Variants in UTP25 observed in about 807,000 individuals in gnomAD.
The protein encoded by UTP25 is UTP25 small subunit processome component, also known as U3 small nucleolar RNA-associated protein 25 homolog.
A neutral mutation model predicts 78.9 loss-of-function variants in UTP25; 50 were observed. That is an observed-to-expected ratio of 0.63 (90% CI 0.50 to 0.80). The LOEUF (loss-of-function observed/expected upper bound fraction) is 0.80, where lower values mean the gene tolerates loss of function less well. Among genes scored for constraint, UTP25 ranks in the 30% least tolerant of loss-of-function variants. UTP25 has a pLI of 0.00. For missense variants in UTP25, 846 were observed against 911.3 expected, an observed-to-expected ratio of 0.93 and a Z score of 0.92; for synonymous variants, 329 against 336.5, an observed-to-expected ratio of 0.98 and a Z score of 0.24.
chr1:209,849,225 T>C (rs6540565), intron 11 of UTP25, among the ~76,000 whole-genome samples: 147,442 of 152,296 alleles, frequency 0.97, 71,420 homozygotes, highest in East Asian at 1. Flanking sequence ...CCTGCCCCGC[T>C]ACCTCCGTGG....
chr1:209,842,866 A>G lies in UTP25; in HGVS notation c.1781+171A>G. 3 of 609,412 alleles carry G rather than the reference A, an allele frequency of 4.9e-6. No individual in the cohort carries two copies. In the South Asian group the frequency reaches 5.9e-5, roughly 12 times the overall value. The allele number at this position is 609,412 out of a possible 1,614,324, so 37.8% of individuals were successfully genotyped here. A position where few individuals can be genotyped will look rare whatever the true frequency, so the allele number is the denominator to read the frequency against. On this transcript the variant is annotated intron_variant, in intron 10 of 11. Transcript: ENST00000491415. ...GAGGAGGAAACTGAAGCACAGAGAG[A>G]AATAGTGACTTTGGCCTAGGTCTCA...
intron 2 of UTP25, 72 bp from the exon 3 acceptor site, chr1:209,830,731 C>T: frequency 6.5e-7 from 1 of 1,536,334 alleles, no homozygotes; most frequent in South Asian, 1.3e-5. Context: ...TAGATGTTGG[C>T]TTGATGATAG....
rs2078245426 is a variant in UTP25 at position 209,852,288 on chromosome 1, T to G, written c.*841T>G. ...AGAACCTGAACCATTTGAGAGTGAG[T>G]TGCCAACCCAGTGGGCCTATCACCT... On this transcript the variant is annotated 3_prime_UTR_variant, in exon 12 of 12. Transcript: ENST00000491415. The G allele has an allele frequency of 6.6e-6, 1 of 152,192 alleles. No individual in the cohort carries two copies. The allele number at this position is 152,192 out of a possible 1,614,324, so 9.4% of individuals were successfully genotyped here.
Position 209,853,195 on chromosome 1 carries a change from C to T in UTP25, c.*1748C>T, listed in dbSNP as rs1025489852. 8 of 152,144 alleles carry T rather than the reference C, an allele frequency of 5.3e-5. No individual in the cohort carries two copies. The East Asian group carries it at 5.8e-4, about 11-fold the overall frequency. 9.4% of individuals were successfully genotyped at this position (152,144 alleles called of 1,614,324 possible). ...AAAATTTAGTTAGATAAAAGCCGAC[C>T]GAACCCATGCTACAAAGAACTTTTT... On this transcript the variant is annotated 3_prime_UTR_variant, in exon 12 of 12. Coordinates refer to ENST00000491415, the MANE Select transcript of UTP25 (RefSeq NM_014388.7).
chr1:209,833,402 T>G (rs769857251), intron 4 of UTP25, 44 bp downstream of exon 4: 365 of 1,480,802 alleles, frequency 2.5e-4, no homozygotes, highest in Non-Finnish European at 3.2e-4. Context: ...AGGTGCTTAG[T>G]ATGGAATTTG....
chr1:209,846,995 T>A (rs897819406), intron 11 of UTP25, among the ~76,000 whole-genome samples: 1 of 152,114 alleles, frequency 6.6e-6, no homozygotes, highest in African/African-American at 2.4e-5. Context: ...CCATCTTTTT[T>A]ATGTGAAAAA....
rs772223579 is a variant in UTP25 at position 209,843,647 on chromosome 1, G to T, written c.1978G>T (p.Gly660Ter). 19 of 1,614,094 alleles carry T rather than the reference G, an allele frequency of 1.2e-5. No individual in the cohort carries two copies. The highest frequency in any genetic ancestry group is 1.5e-5 in the Non-Finnish European group (18 of 1,179,990). ...VSRARHFFLQGEKQFLLFTER... is the reference protein window; with the variant it reads ...VSRARHFFLQ ...CAGGGCCAGACACTTCTTCCTTCAA[G>T]GAGAGAAACAGTTTCTACTTTTCAC... The change falls in exon 11 of 12, where the codon GGA (glycine) becomes TGA (stop). Residue 660 changes from glycine (G) to a stop codon, truncating the protein, a stop_gained. Coordinates refer to ENST00000491415, the MANE Select transcript of UTP25 (RefSeq NM_014388.7). LOFTEE classifies it high-confidence loss of function.
chr1:209,838,716 G>T (rs2078148664), intron 6 of UTP25, 193 bp from the exon 7 acceptor site: 1 of 644,908 alleles, frequency 1.6e-6, no homozygotes, highest in African/African-American at 1.8e-5. Flanking sequence ...AGGTCATGGT[G>T]CTGGGGTTAT....
intron 3 of UTP25, 58 bp downstream of exon 3, chr1:209,831,101 A>C: frequency 4.1e-4 from 643 of 1,568,676 alleles, no homozygotes; most frequent in Non-Finnish European, 5.2e-4. Context: ...AGTTCATCTC[A>C]TGAGCATGGT....
intron 2 of UTP25, among the ~76,000 whole-genome samples, chr1:209,830,418 A>T (rs2078095985): frequency 6.6e-6 from 1 of 151,892 alleles, no homozygotes. Context: ...GAATCCTAAG[A>T]GGGAATATCT....
At chr1:209,841,127 T>G in intron 8 of UTP25, 72 bp downstream of exon 8, 2 of 1,506,130 alleles carry the variant, frequency 1.3e-6, no homozygotes, top group South Asian at 2.3e-5. Flanking sequence ...GTGGTTTAAG[T>G]CCTAAAGAAT....
At chr1:209,834,567 A>G (rs1327464044) in intron 4 of UTP25, among the ~76,000 whole-genome samples, 1 of 131,256 alleles carries the variant, frequency 7.6e-6, no homozygotes, top group Non-Finnish European at 1.7e-5. Context: ...TGGGTTGGGC[A>G]GAGTAGGAGA....
In UTP25 at chr1:209,850,978, C is replaced by T. The variant is rs1013156191; in HGVS notation, c.2028-226C>T. ...ATCAAGAAATGTGTATTTATTTTAT[C>T]ATTTTCTTAAGCCAAATATTAGGAA... On this transcript the variant is annotated intron_variant, in intron 11 of 11. Transcript: ENST00000491415. Among the ~76,000 whole-genome samples the T allele has an allele frequency of 2.0e-5, 3 of 152,274 alleles. No homozygotes were observed. In the East Asian group the frequency reaches 5.8e-4, roughly 29 times the overall value.
rs1039098097 is a variant in UTP25, at chr1:209,855,198, G to A, written c.*3751G>A. 1 of 152,132 alleles carries A rather than the reference G, an allele frequency of 6.6e-6. No individual in the cohort carries two copies. Among genetic ancestry groups the A allele is most frequent in the African/African-American group, 2.4e-5 (1 of 41,416 alleles). The allele number at this position is 152,132 out of a possible 1,614,324, so 9.4% of individuals were successfully genotyped here. ...TTCAGCCGTCTTCCTCCTATGCCAC[G>A]TGCTCTCACCAGAACTGCAGCAAAA... On this transcript the variant is annotated 3_prime_UTR_variant, in exon 12 of 12. Transcript: ENST00000491415.
chr1:209,841,045 A>C lies in UTP25; in HGVS notation c.1475A>C (p.Glu492Ala), dbSNP rs774857283. ...QADIYLMQNW[E>A]HVLHLMNHMN... ...GACATTTACCTGATGCAGAACTGGG[A>C]GCATGTCCTGGTAATGCTGGCCATT... Residue 492 changes from glutamate (E) to alanine (A), a missense_variant, in exon 8 of 12, where the codon GAG becomes GCG. Glu to Ala is a moderately radical substitution (Grantham distance 107). Transcript: ENST00000491415. 6 of 1,613,852 alleles carry C rather than the reference A, an allele frequency of 3.7e-6. No homozygotes were observed. In the South Asian group the frequency reaches 6.6e-5, roughly 18 times the overall value.
chr1:209,844,011 A>G, intron 11 of UTP25: 1 of 271,578 alleles, frequency 3.7e-6, no homozygotes, highest in Non-Finnish European at 7.0e-6. Flanking sequence ...AAGGAAGGGG[A>G]GGGACCTTCC....
intron 11 of UTP25, among the ~76,000 whole-genome samples, chr1:209,848,648 A>G (rs1399015490): frequency 6.6e-6 from 1 of 152,224 alleles, no homozygotes; most frequent in Non-Finnish European, 1.5e-5. Context: ...GCTCCTTTGC[A>G]TCTTTTCCAT....
At chr1:209,843,987 A>G in intron 11 of UTP25, 1 of 337,560 alleles carries the variant, frequency 3.0e-6, no homozygotes, top group East Asian at 5.7e-5. Flanking sequence ...TTACAGGACA[A>G]CTCAAATGAA....
intron 11 of UTP25, among the ~76,000 whole-genome samples, chr1:209,847,104 T>C (rs773375498): frequency 5.9e-5 from 9 of 152,180 alleles, no homozygotes; most frequent in Non-Finnish European, 7.3e-5. Flanking sequence ...TTTTCCTTTG[T>C]CTTAGATGTT....
Sources: allele counts gnomAD v4.1 joint callset (sites outside exome capture counted in the v4.1 genomes callset), GRCh38; gene constraint gnomAD v4.1.1; transcripts MANE v1.5; gene names NCBI Gene and HGNC (gene_info 2026-07-23, HGNC 2026-07-21).